The following BMERB1 variants were observed in gnomAD, a reference collection of about 807,000 sequenced individuals.
The protein encoded by BMERB1 is bMERB domain containing 1, also known as bMERB domain-containing protein 1.
A neutral mutation model predicts 23.6 loss-of-function variants in BMERB1; 12 were observed. The ratio of observed to expected loss-of-function variants is 0.51; its 90% CI spans 0.33 to 0.82. BMERB1 has a LOEUF of 0.82. BMERB1 is among the 40% of genes least tolerant of loss of function. The probability of loss-of-function intolerance (pLI) is 0.03; values close to 1 mark genes in which losing one functional copy is unlikely to be tolerated. For synonymous variants in BMERB1, 122 were observed against 96.6 expected (o/e 1.26, Z -1.54); for missense variants, 247 against 255.4 (o/e 0.97, Z 0.22).
intron 2 of BMERB1, among the ~76,000 whole-genome samples, chr16:15,547,072 GTGCGATCTC>G (rs1289918884): frequency 1.3e-5 from 2 of 150,594 alleles, no homozygotes; most frequent in Non-Finnish European, 2.9e-5. Context: ...GAGTGCAGTG[GTGCGATCTC>G]TGCTCACTAC....
intron 1 of BMERB1, among the ~76,000 whole-genome samples, chr16:15,491,485 A>G (rs1233845149): frequency 6.6e-6 from 1 of 152,010 alleles, no homozygotes; most frequent in African/African-American, 2.4e-5. Flanking sequence ...GCCTGATTGT[A>G]TTTTTTAAAA....
At chr16:15,477,052 G>C (rs1303441266) in intron 1 of BMERB1, among the ~76,000 whole-genome samples, 1 of 152,192 alleles carries the variant, frequency 6.6e-6, no homozygotes, top group Non-Finnish European at 1.5e-5. Context: ...CTTGAGGCTA[G>C]TAGTTCAAGA....
At chr16:15,575,847 T>C (rs937850718) in intron 3 of BMERB1, among the ~76,000 whole-genome samples, 9 of 152,000 alleles carry the variant, frequency 5.9e-5, no homozygotes, top group African/African-American at 2.2e-4. Flanking sequence ...CAATCAGATA[T>C]ACTTTCAATT....
intron 3 of BMERB1, chr16:15,577,332 C>T (rs887253123): frequency 6.6e-6 from 1 of 152,120 alleles, no homozygotes; most frequent in African/African-American, 2.4e-5. Flanking sequence ...AAAAGGAAAA[C>T]CTTACCGAGG....
intron 2 of BMERB1, among the ~76,000 whole-genome samples, chr16:15,551,133 T>G (rs999481491): frequency 6.6e-5 from 10 of 152,180 alleles, no homozygotes; most frequent in African/African-American, 2.4e-4. Flanking sequence ...TTAATTGGAT[T>G]TCTCCAGGGC....
rs535022239 is a variant in BMERB1 at position 15,477,586 on chromosome 16, G to A, written c.107-37719G>A. ...GTTGAGGCTGCAGTGAGCCATGATCGTGTCACTCCACTCCAGCCTAGGCAA... is the reference window on the plus strand; with the variant it reads ...GTTGAGGCTGCAGTGAGCCATGATCATGTCACTCCACTCCAGCCTAGGCAA... On this transcript the variant is annotated intron_variant, in intron 1 of 5. Coordinates refer to ENST00000300006, the MANE Select transcript of BMERB1 (RefSeq NM_033201.3). 4.3e-4 allele frequency among the ~76,000 whole-genome samples: 65 copies of A among 152,182 alleles called. 1 individual carries two copies. In the South Asian group the frequency reaches 0.013, roughly 31 times the overall value.
At chr16:15,472,860 CTTT>C (rs34677062) in intron 1 of BMERB1, among the ~76,000 whole-genome samples, 1 of 133,836 alleles carries the variant, frequency 7.5e-6, no homozygotes, top group Non-Finnish European at 1.6e-5. Flanking sequence ...AGGATTCCAT[CTTT>C]TTTTTTTTTT....
intron 2 of BMERB1, chr16:15,532,866 T>C (rs1598500492): frequency 2.6e-6 from 1 of 389,744 alleles, no homozygotes; most frequent in Non-Finnish European, 5.1e-6. Context: ...TTTTCATTAC[T>C]AGATATCCTG....
chr16:15,466,528 A>G (rs2051181983), intron 1 of BMERB1, among the ~76,000 whole-genome samples: 1 of 152,108 alleles, frequency 6.6e-6, no homozygotes, highest in African/African-American at 2.4e-5. Context: ...TTTTAAAAAA[A>G]GACTTTTTAT....
intron 1 of BMERB1, among the ~76,000 whole-genome samples, chr16:15,437,045 A>G (rs2050894673): frequency 6.6e-6 from 1 of 152,210 alleles, no homozygotes; most frequent in Non-Finnish European, 1.5e-5. Context: ...AAGTGGCAGA[A>G]CCAGGATTTG....
chr16:15,566,317 CTG>C (rs1354879583), intron 2 of BMERB1, among the ~76,000 whole-genome samples: 1 of 152,192 alleles, frequency 6.6e-6, no homozygotes, highest in Middle Eastern at 3.2e-3. Flanking sequence ...CATGGCCACA[CTG>C]TTGGTAATGT....
At chr16:15,557,898 A>G (rs1211313741) in intron 2 of BMERB1, among the ~76,000 whole-genome samples, 1 of 152,140 alleles carries the variant, frequency 6.6e-6, no homozygotes, top group Admixed American at 6.5e-5. Context: ...TACAAAAATT[A>G]GCCAGGCTTG....
intron 2 of BMERB1, among the ~76,000 whole-genome samples, chr16:15,567,543 T>G (rs534006715): frequency 3.9e-5 from 6 of 151,988 alleles, no homozygotes; most frequent in African/African-American, 1.2e-4. Flanking sequence ...AGGCCAGGAG[T>G]TTAAGACCAG....
intron 5 of BMERB1, chr16:15,584,273 T>C: frequency 2.1e-6 from 1 of 479,144 alleles, no homozygotes; most frequent in Non-Finnish European, 3.7e-6. Context: ...AAGAAATGGA[T>C]GCCTGGCTGG....
chr16:15,529,225 A>G (rs1347541105), intron 2 of BMERB1, among the ~76,000 whole-genome samples: 2 of 152,112 alleles, frequency 1.3e-5, no homozygotes, highest in East Asian at 3.9e-4. Flanking sequence ...ACAGGGTTTC[A>G]CCGTGTTAGC....
chr16:15,540,604 A>C (rs2052069092), intron 2 of BMERB1, among the ~76,000 whole-genome samples: 1 of 152,188 alleles, frequency 6.6e-6, no homozygotes, highest in Non-Finnish European at 1.5e-5. Flanking sequence ...ATGTTCAGGA[A>C]ACACTGGCTT....
intron 1 of BMERB1, among the ~76,000 whole-genome samples, chr16:15,472,476 G>A (rs2051237666): frequency 6.6e-6 from 1 of 152,106 alleles, no homozygotes; most frequent in Admixed American, 6.6e-5. Context: ...TTCTTGATAG[G>A]TTGACCCTTT....
chr16:15,580,638 C>T, intron 3 of BMERB1, among the ~76,000 whole-genome samples: 1 of 151,506 alleles, frequency 6.6e-6, no homozygotes, highest in South Asian at 2.1e-4. Flanking sequence ...AGCTCCACCT[C>T]CCGGGTTCAT....
chr16:15,483,706 T>A (rs954548130), intron 1 of BMERB1, among the ~76,000 whole-genome samples: 5 of 152,126 alleles, frequency 3.3e-5, no homozygotes, highest in African/African-American at 2.4e-5. Context: ...GAGTCCCAGC[T>A]CTCTGCTGAT....
Sources: gnomAD v4.1 joint callset for allele counts (sites outside exome capture counted in the v4.1 genomes callset) on GRCh38, gnomAD v4.1.1 for gene constraint, MANE v1.5 for transcripts, NCBI Gene and HGNC (gene_info 2026-07-23, HGNC 2026-07-21) for gene names.